The following SGCE variants were observed in gnomAD, a reference collection of about 807,000 sequenced individuals.
The protein encoded by SGCE is sarcoglycan epsilon.
In SGCE, 26 loss-of-function variants were observed where a neutral mutation model predicts 57.8. The ratio of observed to expected loss-of-function variants is 0.45; its 90% CI spans 0.33 to 0.62. SGCE has a LOEUF of 0.62. Among genes scored for constraint, SGCE ranks in the 20% least tolerant of loss-of-function variants. SGCE has a pLI of 0.02. For synonymous variants in SGCE, 183 were observed against 189.5 expected (o/e 0.97, Z 0.28); for missense variants, 468 against 548.6 (o/e 0.85, Z 1.47).
chr7:94,623,985 C>A, intron 3 of SGCE: 1 of 385,480 alleles, frequency 2.6e-6, no homozygotes, highest in Non-Finnish European at 4.6e-6. Flanking sequence ...TCCCTTCATA[C>A]GGGCAAATAT....
At chr7:94,614,107 CAAAAAAAAAAAAAA>C (rs925650428) in intron 5 of SGCE, among the ~76,000 whole-genome samples, 1 of 94,964 alleles carries the variant, frequency 1.1e-5, no homozygotes, top group Non-Finnish European at 2.0e-5. Flanking sequence ...AAATTGAAAT[CAAAAAAAAAAAAAA>C]AAAAAAAAAC....
intron 1 of SGCE, among the ~76,000 whole-genome samples, chr7:94,643,170 G>A (rs1274729795): frequency 3.9e-5 from 6 of 152,022 alleles, no homozygotes; most frequent in African/African-American, 1.4e-4. Flanking sequence ...ATACCTTATG[G>A]GCTATTTAAA....
At chr7:94,646,449 T>C (rs1353402547) in intron 1 of SGCE, among the ~76,000 whole-genome samples, 2 of 152,274 alleles carry the variant, frequency 1.3e-5, no homozygotes, top group Middle Eastern at 3.4e-3. Flanking sequence ...TTTCCACTCA[T>C]GGGAACAGAA....
At chr7:94,644,508 A>C (rs1806800973) in intron 1 of SGCE, 1 of 432,698 alleles carries the variant, frequency 2.3e-6, no homozygotes, top group Admixed American at 3.3e-5. Flanking sequence ...TCAGAATATC[A>C]AGGAAGGGAA....
intron 10 of SGCE, 32 bp downstream of exon 10, chr7:94,588,657 A>G: frequency 6.4e-7 from 1 of 1,574,330 alleles, no homozygotes; most frequent in African/African-American, 1.3e-5. Context: ...AGATTCATTC[A>G]TAAACATTAA....
chr7:94,619,279 G>T, intron 4 of SGCE: 1 of 209,660 alleles, frequency 4.8e-6, no homozygotes, highest in African/African-American at 2.3e-5. Context: ...CTGATCTTTT[G>T]GGGAGCATGC....
chr7:94,644,720 T>C (rs13241095), intron 1 of SGCE: 105,827 of 845,660 alleles, frequency 0.13, 7,844 homozygotes, highest in South Asian at 0.23. Flanking sequence ...ATAGCTCACG[T>C]GTCCGGCATC....
Position 94,653,379 on chromosome 7 carries a change from TA to T in SGCE, c.109+2610del, listed in dbSNP as rs372079064. ...ATGTCTAAATACGAAGCCCAGTTAT[TA>T]TTTGATAAAATAAATAATACACATT... On this transcript the variant is annotated intron_variant, in intron 1 of 10. Transcript: ENST00000648936. Among the ~76,000 whole-genome samples, 647 of 152,270 alleles carry T rather than the reference TA, an allele frequency of 4.2e-3. 4 individuals are homozygous for T. Among genetic ancestry groups the T allele is most frequent in the African/African-American group, 0.015 (611 of 41,584 alleles).
intron 5 of SGCE, among the ~76,000 whole-genome samples, chr7:94,609,961 T>TC (rs1325661383): frequency 3.3e-5 from 5 of 152,134 alleles, no homozygotes; most frequent in African/African-American, 1.2e-4. Flanking sequence ...AACCAAGATG[T>TC]CCTCCAGTAG....
intron 1 of SGCE, among the ~76,000 whole-genome samples, chr7:94,643,244 A>C (rs775184925): frequency 4.6e-5 from 7 of 152,218 alleles, no homozygotes; most frequent in Non-Finnish European, 1.0e-4. Context: ...TTAGAATCCT[A>C]CTAACCCAGC....
intron 3 of SGCE, chr7:94,624,175 A>C (rs1371956357): frequency 1.3e-5 from 5 of 397,846 alleles, no homozygotes; most frequent in Non-Finnish European, 2.2e-5. Flanking sequence ...AAAAAAAAAA[A>C]AAAACAAATG....
intron 3 of SGCE, 123 bp from the exon 4 acceptor site, chr7:94,623,520 C>T (rs542938256): frequency 1.5e-6 from 1 of 678,938 alleles, no homozygotes; most frequent in African/African-American, 1.8e-5. Context: ...GATATACTTA[C>T]AAAATATTCC....
chr7:94,639,046 G>A (rs915644309), intron 1 of SGCE, among the ~76,000 whole-genome samples: 9 of 152,262 alleles, frequency 5.9e-5, no homozygotes, highest in African/African-American at 1.7e-4. Context: ...ATTTTTATAA[G>A]TGGCAAGCTA....
At chr7:94,605,543 CAG>C (rs1361286561) in intron 5 of SGCE, among the ~76,000 whole-genome samples, 2 of 151,860 alleles carry the variant, frequency 1.3e-5, no homozygotes, top group African/African-American at 2.4e-5. Context: ...GAGGGAAAGA[CAG>C]GGATTATTTT....
At chr7:94,624,072 A>G in intron 3 of SGCE, 1 of 395,134 alleles carries the variant, frequency 2.5e-6, no homozygotes, top group Non-Finnish European at 4.5e-6. Flanking sequence ...CACACAAAGC[A>G]AAGGCCAACA....
chr7:94,606,691 A>G (rs937191978), intron 5 of SGCE, among the ~76,000 whole-genome samples: 2 of 152,186 alleles, frequency 1.3e-5, no homozygotes, highest in African/African-American at 2.4e-5. Flanking sequence ...TTAAGTACAC[A>G]TGAAACATTT....
chr7:94,586,061 G>GAAAAAAAAAAAAAAAAAAA (rs780812386), intron 10 of SGCE, among the ~76,000 whole-genome samples: 16 of 28,904 alleles, frequency 5.5e-4, no homozygotes, highest in East Asian at 1.3e-3. Context: ...GGAACTAAAT[G>GAAAAAAAAAAAAAAAAAAA]AAAAAAAAAA....
intron 3 of SGCE, chr7:94,624,298 C>G: frequency 2.5e-6 from 1 of 397,514 alleles, no homozygotes; most frequent in Non-Finnish European, 4.4e-6. Flanking sequence ...AAATAAATAT[C>G]TTGTGCATTT....
At chr7:94,594,905 A>G (rs1297726731) in intron 9 of SGCE, among the ~76,000 whole-genome samples, 1 of 152,038 alleles carries the variant, frequency 6.6e-6, no homozygotes, top group African/African-American at 2.4e-5. Flanking sequence ...AAAATGAAAC[A>G]CCTCATTTCT....
Sources: gnomAD v4.1 joint callset for allele counts (sites outside exome capture counted in the v4.1 genomes callset) on GRCh38, gnomAD v4.1.1 for gene constraint, MANE v1.5 for transcripts, NCBI Gene and HGNC (gene_info 2026-07-23, HGNC 2026-07-21) for gene names.